MCTP1: variants seen among roughly 807,000 people sequenced by gnomAD.
MCTP1 encodes the protein multiple C2 and transmembrane domain-containing protein 1.
Under a neutral mutation model 120.6 loss-of-function variants are expected in MCTP1, and 69 were observed. The observed-to-expected ratio is 0.57, with a 90% confidence interval of 0.47 to 0.70. MCTP1 has a LOEUF of 0.70. MCTP1 is among the 30% of genes least tolerant of loss of function. MCTP1 has a pLI of 0.00. For synonymous variants in MCTP1, 529 were observed against 493.1 expected (o/e 1.07, Z -0.96); for missense variants, 1,203 against 1,248.8 (o/e 0.96, Z 0.55).
At chr5:94,944,459 A>C (rs1249694677) in intron 3 of MCTP1, among the ~76,000 whole-genome samples, 1 of 152,148 alleles carries the variant, frequency 6.6e-6, no homozygotes, top group Non-Finnish European at 1.5e-5. Context: ...ACATTGGAGA[A>C]ATTTCTCTTG....
intron 1 of MCTP1, among the ~76,000 whole-genome samples, chr5:95,118,744 T>G (rs1014475515): frequency 1.3e-5 from 2 of 152,112 alleles, no homozygotes; most frequent in Admixed American, 6.5e-5. Flanking sequence ...CTATCCTATA[T>G]CAGCCAAAGT....
chr5:94,733,580 G>A (rs1763543287), intron 19 of MCTP1, among the ~76,000 whole-genome samples: 1 of 151,900 alleles, frequency 6.6e-6, no homozygotes, highest in Admixed American at 6.6e-5. Flanking sequence ...GAAAATATCT[G>A]ATTAGAAAAG....
At position 95,120,176 on chromosome 5, in the gene MCTP1, C is replaced by CAAAAAA. The variant is rs56354602; in HGVS notation, c.721-102698_721-102693dup. On this transcript the variant is annotated intron_variant, in intron 1 of 22. Transcript: ENST00000515393. ...TGGGCGACAGAGCAAGACTCCATCT[C>CAAAAAA]AAAAAAAAAAAAAAAAAGTCTCCCA... is the stretch of plus-strand genomic sequence containing the variant. 3.4e-5 allele frequency among the ~76,000 whole-genome samples: 4 copies of CAAAAAA among 118,210 alleles called. 2 individuals carry two copies. The highest frequency in any genetic ancestry group is 3.4e-5 in the Non-Finnish European group (2 of 59,698). The allele number at this position is 118,210 out of a possible 152,430, so 77.6% of individuals were successfully genotyped here.
intron 1 of MCTP1, among the ~76,000 whole-genome samples, chr5:95,277,840 A>G (rs1192189472): frequency 6.6e-6 from 1 of 152,236 alleles, no homozygotes; most frequent in Non-Finnish European, 1.5e-5. Flanking sequence ...AGGCTGGTAT[A>G]AAATATCTCG....
chr5:94,995,683 G>A (rs867641421), intron 2 of MCTP1, among the ~76,000 whole-genome samples: 2 of 152,150 alleles, frequency 1.3e-5, no homozygotes, highest in African/African-American at 4.8e-5. Context: ...CCTCCCAAGG[G>A]AAATCAGCAA....
chr5:95,051,622 A>T (rs1306672462), intron 1 of MCTP1, among the ~76,000 whole-genome samples: 7 of 152,210 alleles, frequency 4.6e-5, no homozygotes, highest in Non-Finnish European at 1.0e-4. Flanking sequence ...AGTGTTTTGT[A>T]CTTTTAAGTA....
At chr5:94,789,647 A>T (rs1778474708) in intron 18 of MCTP1, 2 of 152,202 alleles carry the variant, frequency 1.3e-5, no homozygotes. Context: ...ACTCACACAC[A>T]TATATCTGGG....
At chr5:95,273,795 G>T (rs1199114931) in intron 1 of MCTP1, among the ~76,000 whole-genome samples, 2 of 152,132 alleles carry the variant, frequency 1.3e-5, no homozygotes, top group Admixed American at 6.5e-5. Context: ...GAAAAAAGAT[G>T]TTTCAATAAA....
At chr5:94,766,323 C>G (rs903116261) in intron 19 of MCTP1, among the ~76,000 whole-genome samples, 1 of 152,162 alleles carries the variant, frequency 6.6e-6, no homozygotes, top group Non-Finnish European at 1.5e-5. Flanking sequence ...CACATATACA[C>G]CATGGAATAC....
chr5:94,916,109 C>T (rs1809992270), intron 8 of MCTP1, among the ~76,000 whole-genome samples: 1 of 152,070 alleles, frequency 6.6e-6, no homozygotes, highest in Non-Finnish European at 1.5e-5. Flanking sequence ...TACTTCTCTA[C>T]AAAGAAACTC....
At chr5:95,226,851 C>T (rs1434439539) in intron 1 of MCTP1, among the ~76,000 whole-genome samples, 1 of 152,004 alleles carries the variant, frequency 6.6e-6, no homozygotes, top group Non-Finnish European at 1.5e-5. Flanking sequence ...TTACTTTCCA[C>T]ATGAGGTCAA....
chr5:94,767,827 A>G (rs1773142742), intron 19 of MCTP1, among the ~76,000 whole-genome samples: 2 of 152,318 alleles, frequency 1.3e-5, no homozygotes, highest in South Asian at 2.1e-4. Flanking sequence ...TGACTATACT[A>G]CACAAAGCAG....
At chr5:95,255,746 T>C (rs1210532101) in intron 1 of MCTP1, among the ~76,000 whole-genome samples, 2 of 152,060 alleles carry the variant, frequency 1.3e-5, no homozygotes, top group Non-Finnish European at 2.9e-5. Context: ...AGAAGCAGAG[T>C]GTCAGAGAAC....
At chr5:95,209,878 T>A (rs187555551) in intron 1 of MCTP1, among the ~76,000 whole-genome samples, 3 of 152,226 alleles carry the variant, frequency 2.0e-5, no homozygotes, top group African/African-American at 7.2e-5. Flanking sequence ...TGTGTCTTTG[T>A]TCTTGTTGGT....
intron 6 of MCTP1, among the ~76,000 whole-genome samples, chr5:94,926,756 C>A (rs1051851381): frequency 6.6e-6 from 1 of 152,118 alleles, no homozygotes; most frequent in African/African-American, 2.4e-5. Flanking sequence ...ATCCTGGAAC[C>A]CAGTTATATT....
chr5:94,826,025 G>T, intron 17 of MCTP1: 1 of 318,490 alleles, frequency 3.1e-6, no homozygotes, highest in Non-Finnish European at 6.0e-6. Context: ...TACAAAATGG[G>T]TGCTCTGTTT....
Position 94,779,131 on chromosome 5 carries a change from T to G in MCTP1, c.2589A>C (p.Glu863Asp), listed in dbSNP as rs766151851. 1.2e-6 allele frequency: 2 copies of G among 1,613,712 alleles called. No homozygotes were observed. The highest frequency in any genetic ancestry group is 1.7e-6 in the Non-Finnish European group (2 of 1,179,700). ...VVEDMLEDEE[E>D]EDDKDDKDSE... ...TTACCTTGTCATCTTTGTCATCTTC[T>G]TCTTCCTCGTCCTCTAGCATGTCCT... Residue 863 changes from glutamate (E) to aspartate (D), a missense_variant, in exon 19 of 23, where the codon GAA (glutamate) becomes GAC (aspartate). This residue lies in a region of MCTP1 where 740 missense variants were observed against 871.1 expected (regional missense o/e 0.85). Coordinates refer to ENST00000515393, the MANE Select transcript of MCTP1 (RefSeq NM_024717.7).
intron 1 of MCTP1, chr5:95,154,173 T>G (rs993219450): frequency 1.3e-5 from 2 of 152,232 alleles, no homozygotes; most frequent in African/African-American, 4.8e-5. Flanking sequence ...CTTGTCACAC[T>G]GTATCACTTA....
chr5:94,736,435 A>C (rs758615410), intron 19 of MCTP1, among the ~76,000 whole-genome samples: 1 of 152,134 alleles, frequency 6.6e-6, no homozygotes, highest in Non-Finnish European at 1.5e-5. Flanking sequence ...GTGAGGCGAA[A>C]TTGTGCCACT....
Sources: gnomAD v4.1 joint callset for allele counts (sites outside exome capture counted in the v4.1 genomes callset) on GRCh38, gnomAD v4.1.1 for gene constraint, gnomAD v4.1.1 regional missense constraint, MANE v1.5 for transcripts, NCBI Gene and HGNC (gene_info 2026-07-23, HGNC 2026-07-21) for gene names.